Variants in TTLL7 observed in about 807,000 individuals in gnomAD.
The protein encoded by TTLL7 is tubulin tyrosine ligase like 7.
A neutral mutation model predicts 120.2 loss-of-function variants in TTLL7; 53 were observed. That is an observed-to-expected ratio of 0.44 (90% confidence interval 0.35 to 0.55). The LOEUF (loss-of-function observed/expected upper bound fraction) is 0.55. TTLL7 is among the 20% of genes least tolerant of loss of function. TTLL7 has a pLI of 0.00. For missense variants in TTLL7, 803 were observed against 1,054.7 expected (o/e 0.76, Z 3.31); for synonymous variants, 353 against 351.7 (o/e 1.00, Z -0.04).
At chr1:83,977,318 A>T (rs1037937441) in intron 1 of TTLL7, among the ~76,000 whole-genome samples, 3 of 152,188 alleles carry the variant, frequency 2.0e-5, no homozygotes, top group African/African-American at 7.2e-5. Flanking sequence ...TCCGGAGACC[A>T]TATACACTGC....
intron 20 of TTLL7, among the ~76,000 whole-genome samples, chr1:83,873,678 A>C (rs1458576400): frequency 2.6e-5 from 4 of 152,146 alleles, no homozygotes; most frequent in Non-Finnish European, 5.9e-5. Context: ...TTAAGTACAA[A>C]CATAGAGCCT....
At chr1:83,922,104 C>T (rs1658720708) in intron 10 of TTLL7, among the ~76,000 whole-genome samples, 1 of 152,100 alleles carries the variant, frequency 6.6e-6, no homozygotes, top group African/African-American at 2.4e-5. Context: ...ACCCCTTCAA[C>T]TTAAACTCTA....
intron 18 of TTLL7, among the ~76,000 whole-genome samples, chr1:83,898,179 A>C (rs1338408443): frequency 6.6e-6 from 1 of 152,050 alleles, no homozygotes; most frequent in Non-Finnish European, 1.5e-5. Flanking sequence ...AATGATCAAT[A>C]TGTTATAGGC....
intron 18 of TTLL7, among the ~76,000 whole-genome samples, chr1:83,892,683 CAT>C (rs200583688): frequency 0.019 from 2,396 of 123,712 alleles, 89 homozygotes; most frequent in African/African-American, 0.066. Context: ...AACATATGAA[CAT>C]ATATATGAAC....
At chr1:83,990,391 G>A (rs918201321) in intron 1 of TTLL7, among the ~76,000 whole-genome samples, 4 of 152,082 alleles carry the variant, frequency 2.6e-5, no homozygotes, top group African/African-American at 9.7e-5. Flanking sequence ...TAGCCAGGAT[G>A]GTCTCGATCT....
intron 17 of TTLL7, 37 bp downstream of exon 17, chr1:83,906,292 C>G: frequency 1.3e-6 from 2 of 1,537,752 alleles, no homozygotes; most frequent in South Asian, 1.2e-5. Context: ...TAAAAAGGTA[C>G]CAGCTCCTTG....
chr1:83,948,831 T>G (rs1648757087), intron 4 of TTLL7, 136 bp from the exon 5 acceptor site: 3 of 590,520 alleles, frequency 5.1e-6, no homozygotes, highest in East Asian at 3.0e-5. Context: ...GATTTAATGT[T>G]AAATGACCTA....
At chr1:83,900,054 GT>G in intron 18 of TTLL7, 1 of 352,072 alleles carries the variant, frequency 2.8e-6, no homozygotes, top group Non-Finnish European at 5.6e-6. Flanking sequence ...ATATGAAATT[GT>G]TTCTTCCAAT....
chr1:83,941,126 C>G (rs1271985101), intron 7 of TTLL7, among the ~76,000 whole-genome samples: 1 of 152,194 alleles, frequency 6.6e-6, no homozygotes, highest in Non-Finnish European at 1.5e-5. Context: ...CTGGCTAACT[C>G]CTCATTATTC....
At chr1:83,938,094 T>C in intron 7 of TTLL7, 78 bp from the exon 8 acceptor site, 1 of 1,351,708 alleles carries the variant, frequency 7.4e-7, no homozygotes, top group South Asian at 1.2e-5. Context: ...AAAAAGACAC[T>C]CAAAGACTAA....
intron 8 of TTLL7, 69 bp downstream of exon 8, chr1:83,937,783 A>G: frequency 6.4e-7 from 1 of 1,571,972 alleles, no homozygotes; most frequent in Non-Finnish European, 8.7e-7. Flanking sequence ...ATGAACTTTC[A>G]TGGCCTGACA....
intron 1 of TTLL7, among the ~76,000 whole-genome samples, chr1:83,965,202 C>T (rs1360545638): frequency 6.6e-6 from 1 of 151,826 alleles, no homozygotes; most frequent in Non-Finnish European, 1.5e-5. Context: ...TTCTGTGTTC[C>T]CACCCAAATC....
intron 7 of TTLL7, among the ~76,000 whole-genome samples, chr1:83,940,961 G>C (rs1043608493): frequency 1.3e-5 from 2 of 151,952 alleles, no homozygotes; most frequent in South Asian, 4.2e-4. Flanking sequence ...TGGTTTCTAG[G>C]ACTCACCATC....
chr1:83,988,317 T>C (rs1269165918), intron 1 of TTLL7, among the ~76,000 whole-genome samples: 2 of 152,236 alleles, frequency 1.3e-5, no homozygotes, highest in Non-Finnish European at 2.9e-5. Context: ...TCTTTGCTAT[T>C]GTGAATAGTG....
intron 18 of TTLL7, 91 bp downstream of exon 18, chr1:83,903,988 C>G: frequency 1.1e-6 from 1 of 940,688 alleles, no homozygotes; most frequent in Non-Finnish European, 1.7e-6. Context: ...AACAAATGAG[C>G]AAATATACAG....
chr1:83,872,804 A>G (rs1412246250), intron 20 of TTLL7, among the ~76,000 whole-genome samples: 1 of 152,222 alleles, frequency 6.6e-6, no homozygotes, highest in Non-Finnish European at 1.5e-5. Flanking sequence ...CTTTACAGAT[A>G]TCAACTCATT....
At position 83,866,076 on chromosome 1, in the gene TTLL7, A is replaced by G. The variant is rs1652896334; in HGVS notation, c.*3886T>C. 6.6e-6 allele frequency: 1 copy of G among 151,886 alleles called. No individual in the cohort carries two copies. The highest frequency in any genetic ancestry group is 1.5e-5 in the Non-Finnish European group (1 of 67,778). 9.4% of individuals were successfully genotyped at this position (151,886 alleles called of 1,614,324 possible). On this transcript the variant is annotated 3_prime_UTR_variant, in exon 21 of 21. Coordinates refer to ENST00000260505, the MANE Select transcript of TTLL7 (RefSeq NM_024686.6). Reference sequence around the variant, plus strand: ...AACACAATTAATTGTACAGTTATACATTTTATTTAACCCCTATGACCATGT... The same window carrying G: ...AACACAATTAATTGTACAGTTATACGTTTTATTTAACCCCTATGACCATGT...
chr1:83,910,865 A>G (rs1223842248), intron 15 of TTLL7, among the ~76,000 whole-genome samples: 2 of 152,184 alleles, frequency 1.3e-5, no homozygotes, highest in East Asian at 3.8e-4. Flanking sequence ...TAAGAGACAC[A>G]TAATCATCAG....
At chr1:83,895,522 A>T (rs150196503) in intron 18 of TTLL7, among the ~76,000 whole-genome samples, 1 of 152,258 alleles carries the variant, frequency 6.6e-6, no homozygotes, top group East Asian at 1.9e-4. Context: ...AAATGTAAAT[A>T]TTCAAACCAA....
Sources: allele counts gnomAD v4.1 joint callset (sites outside exome capture counted in the v4.1 genomes callset), GRCh38; gene constraint gnomAD v4.1.1; transcripts MANE v1.5; gene names NCBI Gene and HGNC (gene_info 2026-07-23, HGNC 2026-07-21).